Variants in MCF2L observed in about 807,000 individuals in gnomAD.
MCF2L encodes the protein MCF.2 cell line derived transforming sequence like.
A neutral mutation model predicts 153.4 loss-of-function variants in MCF2L; 97 were observed. The ratio of observed to expected loss-of-function variants is 0.63; its 90% CI spans 0.54 to 0.75. MCF2L has a LOEUF of 0.75. MCF2L is among the 30% of genes least tolerant of loss of function. The probability of loss-of-function intolerance (pLI) is 0.00; values close to 1 mark genes in which losing one functional copy is unlikely to be tolerated. For synonymous variants in MCF2L, 659 were observed against 632.2 expected, an observed-to-expected ratio of 1.04 and a Z score of -0.64; for missense variants, 1,347 against 1,495.2, an observed-to-expected ratio of 0.90 and a Z score of 1.64.
intron 2 of MCF2L, among the ~76,000 whole-genome samples, chr13:112,926,165 C>T (rs186733709): frequency 1.1e-3 from 175 of 152,328 alleles, no homozygotes; most frequent in African/African-American, 3.7e-3. Context: ...GCGGTACGGC[C>T]TGCTCTATAT....
intron 1 of MCF2L, among the ~76,000 whole-genome samples, chr13:112,988,287 C>G (rs1230839757): frequency 6.6e-6 from 1 of 151,982 alleles, no homozygotes; most frequent in Admixed American, 6.6e-5. Flanking sequence ...TTGTTAAGCA[C>G]CTTTGGGGTA....
chr13:112,941,112 A>T lies in MCF2L; in HGVS notation c.169+38741A>T, dbSNP rs2081571279. Among the ~76,000 whole-genome samples the T allele has an allele frequency of 6.6e-6, 1 of 152,186 alleles. No individual in the cohort carries two copies. The highest frequency in any genetic ancestry group is 2.4e-5 in the African/African-American group (1 of 41,448). ...TTTACCATCTTTTCCGCAGGGTCAG[A>T]GTGGCCATCGTGCTTATCACATAAA... On this transcript the variant is annotated intron_variant, in intron 2 of 29. Coordinates refer to the MCF2L transcript ENST00000375608. The surrounding 1 kb of genome is among the most constrained non-coding windows in gnomAD (Gnocchi z 4.9).
At position 113,053,204 on chromosome 13, in the gene MCF2L, G is replaced by A. The variant is rs751634498; in HGVS notation, c.370-7389G>A. Among the ~76,000 whole-genome samples, 8 of 152,126 alleles carry A rather than the reference G, an allele frequency of 5.3e-5. No individual in the cohort carries two copies. Among genetic ancestry groups the A allele is most frequent in the Admixed American group, 1.3e-4 (2 of 15,280 alleles). On this transcript the variant is annotated intron_variant, in intron 4 of 29. Coordinates refer to ENST00000535094, the MANE Select transcript of MCF2L (RefSeq NM_001112732.3). This position sits in a 1 kb window ranked among gnomAD's most constrained non-coding sequence, Gnocchi z 4.4. ...TGCCCACACATGGGGCTTTCTCCACGTGCCCCGTCATGTCCTTCCTGTATT... is the reference window on the plus strand; with the variant it reads ...TGCCCACACATGGGGCTTTCTCCACATGCCCCGTCATGTCCTTCCTGTATT...
chr13:113,091,929 A>C (rs1177748469), intron 26 of MCF2L, among the ~76,000 whole-genome samples: 6 of 152,138 alleles, frequency 3.9e-5, no homozygotes, highest in Non-Finnish European at 7.4e-5. Context: ...GCCTCCTCAC[A>C]TGACACAGCG....
intron 15 of MCF2L, among the ~76,000 whole-genome samples, chr13:113,080,082 A>G (rs371916762): frequency 3.9e-4 from 10 of 25,954 alleles, no homozygotes; most frequent in African/African-American, 1.3e-3. Flanking sequence ...TATGGAGGAG[A>G]GTCCAGGCAG....
At chr13:113,065,182 C>A in intron 7 of MCF2L, 97 bp downstream of exon 7, 2 of 1,467,656 alleles carry the variant, frequency 1.4e-6, no homozygotes, top group Non-Finnish European at 1.9e-6. Context: ...GTCTTTCGTC[C>A]CAGCGGGAGT....
chr13:112,903,132 C>T (rs1004114661), intron 2 of MCF2L, among the ~76,000 whole-genome samples: 6 of 152,212 alleles, frequency 3.9e-5, no homozygotes, highest in Admixed American at 6.5e-5. Context: ...ATTTGATGGC[C>T]GGGTGCTGGC....
intron 2 of MCF2L, among the ~76,000 whole-genome samples, chr13:112,928,531 T>C (rs187584415): frequency 2.6e-5 from 4 of 152,336 alleles, no homozygotes; most frequent in Admixed American, 2.0e-4. Context: ...TATGTCCATA[T>C]CTTTCAAATA....
chr13:112,968,800 C>G (rs950992243), upstream of MCF2L: 23 of 1,342,384 alleles, frequency 1.7e-5, no homozygotes, highest in African/African-American at 3.6e-4. Flanking sequence ...TGCCCGCAAA[C>G]CAGGAGGGCG....
rs763413110 is a variant in MCF2L at position 113,081,219 on chromosome 13, G to T, written c.1815G>T (p.Val605=). The T allele has an allele frequency of 3.2e-6, 5 of 1,585,894 alleles. No homozygotes were observed. Among genetic ancestry groups the T allele is most frequent in the Non-Finnish European group, 4.3e-6 (5 of 1,166,728 alleles). Residue 605 remains valine (V), a synonymous_variant, in exon 16 of 30, where the codon GTG becomes GTT. Transcript: ENST00000535094. ...EESLAILRRH[V]MSELLDTERA... ...CCACATGACCTGCCACCAGGCACGT[G>T]ATGAGCGAGCTCCTGGACACAGAAC...
rs2993340 is a variant in MCF2L at position 112,941,954 on chromosome 13, G to A, written c.169+39583G>A. ...CCACCAGAGGGCTCTTTGGTCTAGC[G>A]GTAACGCCAGCATCTGGGAAGACGC... is the stretch of plus-strand genomic sequence containing the variant. On this transcript the variant is annotated intron_variant, in intron 2 of 29. Coordinates refer to the MCF2L transcript ENST00000375608. The surrounding 1 kb of genome is among the most constrained non-coding windows in gnomAD (Gnocchi z 4.9). 0.39 allele frequency among the ~76,000 whole-genome samples: 59,425 copies of A among 152,052 alleles called. 12,028 individuals carry two copies. Among genetic ancestry groups the A allele is most frequent in the East Asian group, 0.61 (3,157 of 5,146 alleles).
chr13:112,975,019 C>T (rs1233553990), intron 1 of MCF2L, among the ~76,000 whole-genome samples: 1 of 152,210 alleles, frequency 6.6e-6, no homozygotes, highest in Non-Finnish European at 1.5e-5. Context: ...CACGTCAGCT[C>T]ACGTCACCAT....
chr13:112,982,945 G>T (rs1224218659), intron 1 of MCF2L, among the ~76,000 whole-genome samples: 4 of 152,154 alleles, frequency 2.6e-5, no homozygotes, highest in Non-Finnish European at 5.9e-5. Flanking sequence ...GCTGGGCTGG[G>T]GCTGGGGCTG....
At chr13:113,078,033 C>T (rs2005398) in intron 13 of MCF2L, among the ~76,000 whole-genome samples, 64,316 of 136,966 alleles carry the variant, frequency 0.47, 17,569 homozygotes, top group Admixed American at 0.61. Context: ...GCCCCACCGT[C>T]CTCCCCCTTC....
intron 1 of MCF2L, among the ~76,000 whole-genome samples, chr13:112,897,786 G>A (rs1176765238): frequency 6.6e-6 from 1 of 152,230 alleles, no homozygotes; most frequent in Non-Finnish European, 1.5e-5. Context: ...GTGTCCAGGT[G>A]GGCAGACTAG....
chr13:112,986,843 G>C (rs891806970), intron 1 of MCF2L, among the ~76,000 whole-genome samples: 2 of 152,176 alleles, frequency 1.3e-5, no homozygotes, highest in Admixed American at 1.3e-4. Context: ...TGGCGCGTAC[G>C]CTGCACTCTG....
intron 3 of MCF2L, among the ~76,000 whole-genome samples, chr13:113,026,294 G>A (rs151200288): frequency 1.7e-3 from 255 of 152,060 alleles, no homozygotes; most frequent in African/African-American, 5.5e-3. Context: ...TGGGGTCCCC[G>A]TGACTGCAGG....
At chr13:112,994,563 T>C (rs2140998825) in intron 1 of MCF2L, among the ~76,000 whole-genome samples, 1 of 152,360 alleles carries the variant, frequency 6.6e-6, no homozygotes, top group East Asian at 1.9e-4. Flanking sequence ...TTTGGTGAGC[T>C]GTCTCGTTTC....
At chr13:113,076,414 A>G (rs1037635772) in intron 12 of MCF2L, among the ~76,000 whole-genome samples, 2 of 152,156 alleles carry the variant, frequency 1.3e-5, no homozygotes, top group East Asian at 1.9e-4. Flanking sequence ...ACAGGCGCCC[A>G]CCACCAAGCC....
Sources: gnomAD v4.1 joint callset for allele counts (sites outside exome capture counted in the v4.1 genomes callset) on GRCh38, gnomAD v4.1.1 for gene constraint, Gnocchi (gnomAD v3.1) non-coding constraint, MANE v1.5 for transcripts, NCBI Gene and HGNC (gene_info 2026-07-23, HGNC 2026-07-21) for gene names.